Variants in LIPM observed in about 807,000 individuals in gnomAD.
The protein encoded by LIPM is lipase member M.
A neutral mutation model predicts 42.4 loss-of-function variants in LIPM; 42 were observed. The ratio of observed to expected loss-of-function variants is 0.99; its 90% CI spans 0.77 to 1.28. The LOEUF (loss-of-function observed/expected upper bound fraction) is 1.28, where lower values mean the gene tolerates loss of function less well. Ranked by LOEUF, LIPM falls within the 50% of genes most tolerant of loss-of-function variation. The pLI, the probability that LIPM is intolerant of heterozygous loss-of-function variation, is 0.00. For synonymous variants in LIPM, 177 were observed against 173.3 expected, an observed-to-expected ratio of 1.02 and a Z score of -0.17; for missense variants, 524 against 520.1, an observed-to-expected ratio of 1.01 and a Z score of -0.07.
chr10:88,805,966 A>C (rs925895900), intron 1 of LIPM: 1 of 456,542 alleles, frequency 2.2e-6, no homozygotes, highest in African/African-American at 2.0e-5. Flanking sequence ...GAGATGTCCT[A>C]CGTTGGGCTG....
At chr10:88,810,428 C>G (rs1272371123) in intron 2 of LIPM, among the ~76,000 whole-genome samples, 1 of 151,958 alleles carries the variant, frequency 6.6e-6, no homozygotes, top group East Asian at 1.9e-4. Context: ...GAATCTGCCT[C>G]CTTGTTCCAG....
At chr10:88,811,722 C>A (rs1473516396) in intron 2 of LIPM, among the ~76,000 whole-genome samples, 4 of 152,112 alleles carry the variant, frequency 2.6e-5, no homozygotes, top group African/African-American at 4.8e-5. Context: ...AGTTTTACCC[C>A]ATTTATTTTA....
Position 88,817,830 on chromosome 10 carries a change from G to T in LIPM, c.936G>T (p.Val312=). The stretch of plus-strand genomic sequence containing the variant: ...AAATTTTTGTCTCCTTTTAGGCAGT[G>T]AATTCTGGTGAACTCCGGGCATTTG... ...VQNILHWSQA[V]NSGELRAFDW... is the part of the protein sequence containing the mutation. The change falls in exon 8 of 9, where the codon GTG becomes GTT. Residue 312 remains valine, a synonymous_variant. Transcript: ENST00000404743. The T allele has an allele frequency of 6.4e-7, 1 of 1,551,146 alleles. No homozygotes were observed. The highest frequency in any genetic ancestry group is 1.4e-5 in the African/African-American group (1 of 73,112).
At chr10:88,815,311 A>G in intron 5 of LIPM, 46 bp from the exon 6 acceptor site, 1 of 1,548,012 alleles carries the variant, frequency 6.5e-7, no homozygotes, top group Non-Finnish European at 8.7e-7. Context: ...AATTACAGTC[A>G]CATCTTTTCT....
At chr10:88,811,772 T>A (rs1008120164) in intron 2 of LIPM, among the ~76,000 whole-genome samples, 5 of 152,176 alleles carry the variant, frequency 3.3e-5, no homozygotes, top group African/African-American at 7.2e-5. Flanking sequence ...ATCTTAATAC[T>A]TTTTCCAAAA....
At chr10:88,813,403 A>G (rs1843678463) in intron 3 of LIPM, 108 bp downstream of exon 3, 1 of 877,640 alleles carries the variant, frequency 1.1e-6, no homozygotes. Flanking sequence ...TTGAGTCATC[A>G]TTATCTTAAC....
At chr10:88,811,045 C>A (rs1231489286) in intron 2 of LIPM, among the ~76,000 whole-genome samples, 1 of 152,178 alleles carries the variant, frequency 6.6e-6, no homozygotes, top group East Asian at 1.9e-4. Flanking sequence ...CCCACACGTT[C>A]TCTCCCTTGA....
At chr10:88,816,368 A>G (rs924669918) in intron 6 of LIPM, among the ~76,000 whole-genome samples, 2 of 152,192 alleles carry the variant, frequency 1.3e-5, no homozygotes, top group Non-Finnish European at 2.9e-5. Context: ...TAAGGATATG[A>G]AAAGTATATA....
rs1358069074 is a variant in LIPM at position 88,820,528 on chromosome 10, CAA to C, written c.*28_*29del. The stretch of plus-strand genomic sequence containing the variant: ...GCATCTGACACTGACGATCTTAGGA[CAA>C]CCTCCTGAGGGATGGGGCTAGGACC... On this transcript the variant is annotated 3_prime_UTR_variant, in exon 9 of 9. Transcript: ENST00000404743. The C allele has an allele frequency of 5.8e-6, 9 of 1,539,888 alleles. No homozygotes were observed. The African/African-American group carries it at 1.2e-4, about 21-fold the overall frequency.
In LIPM at chr10:88,808,367, C is replaced by T. The variant is rs748235222; in HGVS notation, c.217C>T (p.Leu73Phe). Residue 73 changes from leucine to phenylalanine, a missense_variant, in exon 2 of 9, where the codon CTT (leucine) becomes TTT (phenylalanine). Transcript: ENST00000404743. ...AGTCGCAACTGAAGATGGGTATATC[C>T]TTTCTGTTAACAGGATTCCTCGAGG... is the stretch of plus-strand genomic sequence containing the variant. ...YEVATEDGYI[L>F]SVNRIPRGLV... 1.0e-5 allele frequency: 16 copies of T among 1,551,424 alleles called. No individual in the cohort carries two copies. In the South Asian group the frequency reaches 1.8e-4, roughly 17 times the overall value.
rs1843616720 is a variant in LIPM at position 88,808,563 on chromosome 10, T to C, written c.265+148T>C. On this transcript the variant is annotated intron_variant, in intron 2 of 8. Transcript: ENST00000404743. ...AAGGATGGTGTCAGTTCCCCCATAG[T>C]CTCCATCACCACCACCGTGTCCGTC... The C allele has an allele frequency of 1.3e-5, 7 of 541,148 alleles. No individual in the cohort carries two copies. The South Asian group carries it at 1.3e-4, about 10-fold the overall frequency. 33.5% of individuals were successfully genotyped at this position (541,148 alleles called of 1,614,324 possible).
intron 3 of LIPM, among the ~76,000 whole-genome samples, chr10:88,814,070 A>G (rs942691428): frequency 6.6e-6 from 1 of 152,158 alleles, no homozygotes; most frequent in Non-Finnish European, 1.5e-5. Flanking sequence ...CATCGATTTG[A>G]CTTACCTCTC....
intron 1 of LIPM, chr10:88,805,800 A>G (rs1324843392): frequency 3.2e-6 from 1 of 311,164 alleles, no homozygotes. Context: ...GGCAGAATTC[A>G]TACAATAATG....
At chr10:88,806,841 C>T (rs6586152) in intron 1 of LIPM, among the ~76,000 whole-genome samples, 6,773 of 152,134 alleles carry the variant, frequency 0.045, 309 homozygotes, top group East Asian at 0.13. Flanking sequence ...TGCACCACCA[C>T]GCCCGGCTAA....
At chr10:88,806,857 T>A (rs918361057) in intron 1 of LIPM, among the ~76,000 whole-genome samples, 3 of 152,002 alleles carry the variant, frequency 2.0e-5, no homozygotes, top group African/African-American at 4.8e-5. Context: ...GCTAATTTTT[T>A]TTATTATTAT....
At chr10:88,819,310 C>G (rs1843757678) in intron 8 of LIPM, among the ~76,000 whole-genome samples, 1 of 152,138 alleles carries the variant, frequency 6.6e-6, no homozygotes, top group South Asian at 2.1e-4. Flanking sequence ...CAAAAAAAAT[C>G]ATAGAATCAC....
In LIPM at chr10:88,810,607, G is replaced by A. The variant is rs148034622; in HGVS notation, c.265+2192G>A. ...ACTGTAAAGCTTATAGCTTGTGGTAGCGGCCTTTTTATCTTTATCAAAGAA... is the reference window on the plus strand; with the variant it reads ...ACTGTAAAGCTTATAGCTTGTGGTAACGGCCTTTTTATCTTTATCAAAGAA... On this transcript the variant is annotated intron_variant, in intron 2 of 8. Coordinates refer to ENST00000404743, the MANE Select transcript of LIPM (RefSeq NM_001128215.1). 2.1e-3 allele frequency among the ~76,000 whole-genome samples: 316 copies of A among 152,208 alleles called. 3 individuals carry two copies. Among genetic ancestry groups the A allele is most frequent in the Non-Finnish European group, 2.5e-3 (170 of 68,014 alleles).
chr10:88,806,167 G>A (rs959431645), intron 1 of LIPM, among the ~76,000 whole-genome samples: 31 of 152,210 alleles, frequency 2.0e-4, no homozygotes, highest in African/African-American at 7.0e-4. Flanking sequence ...TTCCTGCCAA[G>A]TATAGCATGT....
chr10:88,816,654 A>G (rs962004887), intron 6 of LIPM, among the ~76,000 whole-genome samples, 162 bp from the exon 7 acceptor site: 2 of 152,178 alleles, frequency 1.3e-5, no homozygotes, highest in South Asian at 4.1e-4. Context: ...ATTTAATGAC[A>G]TTTTATTTAC....
Sources: allele counts gnomAD v4.1 joint callset (sites outside exome capture counted in the v4.1 genomes callset), GRCh38; gene constraint gnomAD v4.1.1; transcripts MANE v1.5; gene names NCBI Gene and HGNC (gene_info 2026-07-23, HGNC 2026-07-21).